GABRB1: variants seen among roughly 807,000 people sequenced by gnomAD.
GABRB1 encodes the protein gamma-aminobutyric acid receptor subunit beta-1.
GABRB1 carries 17 observed loss-of-function variants against 51.6 expected under a neutral mutation model. The observed-to-expected ratio is 0.33, with a 90% confidence interval of 0.23 to 0.49. The LOEUF is 0.49. Among genes scored for constraint, GABRB1 ranks in the 20% least tolerant of loss-of-function variants. GABRB1 has a pLI of 0.99. For missense variants in GABRB1, 410 were observed against 600.6 expected (o/e 0.68, Z 3.32); for synonymous variants, 247 against 218.9 (o/e 1.13, Z -1.14).
intron 3 of GABRB1, among the ~76,000 whole-genome samples, chr4:47,041,864 C>A (rs1046335756): frequency 6.6e-6 from 1 of 151,958 alleles, no homozygotes; most frequent in African/African-American, 2.4e-5. Context: ...ACCTGCAAAC[C>A]CTCTCCCACC....
chr4:47,267,194 A>G (rs1483455973), intron 4 of GABRB1, among the ~76,000 whole-genome samples: 2 of 152,074 alleles, frequency 1.3e-5, no homozygotes, highest in East Asian at 3.9e-4. Flanking sequence ...AAACAAGACA[A>G]AATTATTTCA....
At chr4:47,353,193 C>G (rs1726424431) in intron 5 of GABRB1, among the ~76,000 whole-genome samples, 1 of 152,202 alleles carries the variant, frequency 6.6e-6, no homozygotes, top group Non-Finnish European at 1.5e-5. Context: ...GGATCCCTCC[C>G]ACAACACATG....
intron 4 of GABRB1, among the ~76,000 whole-genome samples, chr4:47,185,619 C>T (rs1011326353): frequency 1.3e-5 from 2 of 151,828 alleles, no homozygotes; most frequent in African/African-American, 2.4e-5. Flanking sequence ...CAAAACTATA[C>T]TTGAACTCTA....
intron 3 of GABRB1, among the ~76,000 whole-genome samples, chr4:47,125,161 G>A (rs551444240): frequency 7.2e-5 from 11 of 152,246 alleles, no homozygotes; most frequent in African/African-American, 2.6e-4. Context: ...GGCTAAGAGA[G>A]AATGGAATGA....
At chr4:47,295,439 G>C (rs906966083) in intron 4 of GABRB1, among the ~76,000 whole-genome samples, 1 of 152,204 alleles carries the variant, frequency 6.6e-6, no homozygotes, top group Non-Finnish European at 1.5e-5. Context: ...GAAAGCCAAG[G>C]CTCGAGAACT....
At chr4:47,235,939 A>C (rs976407330) in intron 4 of GABRB1, among the ~76,000 whole-genome samples, 4 of 152,108 alleles carry the variant, frequency 2.6e-5, no homozygotes, top group African/African-American at 4.8e-5. Context: ...TTATAGCACA[A>C]ACGTCCCCAT....
At chr4:47,153,596 T>C (rs904535329) in intron 3 of GABRB1, among the ~76,000 whole-genome samples, 1 of 152,104 alleles carries the variant, frequency 6.6e-6, no homozygotes. Flanking sequence ...CTGAGTCTCA[T>C]GCCATGCGGT....
chr4:47,226,707 A>C (rs1720954764), intron 4 of GABRB1, among the ~76,000 whole-genome samples: 1 of 152,174 alleles, frequency 6.6e-6, no homozygotes, highest in Admixed American at 6.6e-5. Flanking sequence ...GAAAACCTAT[A>C]AATATCTCAA....
intron 4 of GABRB1, among the ~76,000 whole-genome samples, chr4:47,263,984 A>T (rs1364703419): frequency 6.6e-6 from 1 of 152,022 alleles, no homozygotes; most frequent in Non-Finnish European, 1.5e-5. Context: ...AAAAATAAAA[A>T]AAAAAAAATC....
At chr4:47,029,572 A>G (rs1235772307), upstream of GABRB1, among the ~76,000 whole-genome samples, 1 of 151,964 alleles carries the variant, frequency 6.6e-6, no homozygotes, top group Non-Finnish European at 1.5e-5. Context: ...TAGTTATCGC[A>G]ATAATCTTTT....
At chr4:47,202,713 G>T (rs1371429584) in intron 4 of GABRB1, among the ~76,000 whole-genome samples, 1 of 152,052 alleles carries the variant, frequency 6.6e-6, no homozygotes, top group African/African-American at 2.4e-5. Flanking sequence ...TCTAAAGAAT[G>T]GTCTACACAT....
chr4:47,158,988 T>G (rs1717821175), intron 3 of GABRB1, among the ~76,000 whole-genome samples: 1 of 151,722 alleles, frequency 6.6e-6, no homozygotes. Flanking sequence ...ATTTTAGAAA[T>G]AAGGCAAGTC....
intron 1 of GABRB1, among the ~76,000 whole-genome samples, chr4:47,009,373 T>G (rs1432296658): frequency 6.6e-6 from 1 of 152,090 alleles, no homozygotes; most frequent in African/African-American, 2.4e-5. Flanking sequence ...AACACTACCA[T>G]TATAATGTAT....
chr4:47,148,241 G>A (rs1717265343), intron 3 of GABRB1, among the ~76,000 whole-genome samples: 1 of 152,034 alleles, frequency 6.6e-6, no homozygotes, highest in African/African-American at 2.4e-5. Context: ...CAGTCAATGA[G>A]AATGAGGGTG....
At chr4:47,378,044 G>A (rs1453296068) in intron 5 of GABRB1, among the ~76,000 whole-genome samples, 2 of 152,288 alleles carry the variant, frequency 1.3e-5, no homozygotes, top group South Asian at 2.1e-4. Context: ...GTGCGCCCAC[G>A]CTCCTCAGCC....
intron 4 of GABRB1, among the ~76,000 whole-genome samples, chr4:47,200,754 G>T (rs940810789): frequency 1.3e-5 from 2 of 152,168 alleles, no homozygotes; most frequent in Non-Finnish European, 2.9e-5. Context: ...ATATGACATT[G>T]AAAGCCACAA....
chr4:47,149,021 A>G (rs114835562), intron 3 of GABRB1, among the ~76,000 whole-genome samples: 2,040 of 152,078 alleles, frequency 0.013, 23 homozygotes, highest in Middle Eastern at 0.027. Context: ...AGTCAGACAG[A>G]TCAGGGTTCA....
chr4:47,189,386 G>A (rs1324941316), intron 4 of GABRB1, among the ~76,000 whole-genome samples: 1 of 151,810 alleles, frequency 6.6e-6, no homozygotes, highest in African/African-American at 2.4e-5. Flanking sequence ...CTCTTTCTGG[G>A]ATTGATATGG....
chr4:47,411,482 C>T (rs1386949196), intron 8 of GABRB1, among the ~76,000 whole-genome samples: 2 of 151,964 alleles, frequency 1.3e-5, no homozygotes, highest in Non-Finnish European at 2.9e-5. Flanking sequence ...TAGTGGTTGC[C>T]GGGAGTCAGT....
Sources: gnomAD v4.1 joint callset for allele counts (sites outside exome capture counted in the v4.1 genomes callset) on GRCh38, gnomAD v4.1.1 for gene constraint, MANE v1.5 for transcripts, NCBI Gene and HGNC (gene_info 2026-07-23, HGNC 2026-07-21) for gene names.